The following CLYBL variants were observed in gnomAD, a reference collection of about 807,000 sequenced individuals.
CLYBL encodes the protein citramalyl-CoA lyase, mitochondrial.
In CLYBL, 31 loss-of-function variants were observed where a neutral mutation model predicts 38.9. That is an observed-to-expected ratio of 0.80 (90% CI 0.60 to 1.08). CLYBL has a LOEUF of 1.08. CLYBL is among the 50% of genes least tolerant of loss of function. CLYBL has a pLI of 0.00. For missense variants in CLYBL, 434 were observed against 411.6 expected (o/e 1.05, Z -0.47); for synonymous variants, 171 against 158.6 (o/e 1.08, Z -0.59).
intron 2 of CLYBL, among the ~76,000 whole-genome samples, chr13:99,812,865 G>C (rs1207800249): frequency 2.0e-5 from 3 of 152,174 alleles, no homozygotes; most frequent in Non-Finnish European, 4.4e-5. Flanking sequence ...GGGGGGCCCT[G>C]TCATGCCAAA....
intron 1 of CLYBL, among the ~76,000 whole-genome samples, chr13:99,703,635 T>A (rs1345170773): frequency 1.3e-5 from 2 of 152,218 alleles, no homozygotes; most frequent in African/African-American, 4.8e-5. Flanking sequence ...CCCATAGCAC[T>A]GGGATTACAC....
At chr13:99,637,682 C>T (rs543980027) in intron 1 of CLYBL, among the ~76,000 whole-genome samples, 1 of 152,260 alleles carries the variant, frequency 6.6e-6, no homozygotes, top group Middle Eastern at 3.4e-3. Flanking sequence ...TGCTTGAACC[C>T]AGGAGGTGGA....
chr13:99,828,128 T>C (rs181052971), intron 2 of CLYBL, among the ~76,000 whole-genome samples: 1 of 152,312 alleles, frequency 6.6e-6, no homozygotes, highest in Admixed American at 6.5e-5. Flanking sequence ...AATAACACCA[T>C]AGAGTTTTTG....
intron 1 of CLYBL, among the ~76,000 whole-genome samples, chr13:99,649,275 C>A (rs1382357093): frequency 6.6e-6 from 1 of 152,118 alleles, no homozygotes; most frequent in Non-Finnish European, 1.5e-5. Context: ...TTAATAGCAA[C>A]CCTTTGTTAT....
intron 4 of CLYBL, among the ~76,000 whole-genome samples, chr13:99,863,320 T>G (rs1362330897): frequency 6.6e-6 from 1 of 152,220 alleles, no homozygotes; most frequent in African/African-American, 2.4e-5. Context: ...CAGTCCAAAA[T>G]ATTTAAATGA....
intron 1 of CLYBL, among the ~76,000 whole-genome samples, chr13:99,616,329 A>T (rs979517911): frequency 1.3e-5 from 2 of 151,690 alleles, no homozygotes; most frequent in Non-Finnish European, 2.9e-5. Flanking sequence ...AGCTGATTTT[A>T]TGTTTTGTTT....
At chr13:99,809,208 CAAAT>C (rs2050291111) in intron 2 of CLYBL, among the ~76,000 whole-genome samples, 1 of 152,104 alleles carries the variant, frequency 6.6e-6, no homozygotes, top group South Asian at 2.1e-4. Context: ...TATAATTTAA[CAAAT>C]AAATTATGGG....
chr13:99,781,182 T>G (rs2049642374), intron 2 of CLYBL, among the ~76,000 whole-genome samples: 1 of 151,370 alleles, frequency 6.6e-6, no homozygotes, highest in Non-Finnish European at 1.5e-5. Context: ...ATTTATTTAT[T>G]TATTTTGAGA....
rs970657332 is a variant in CLYBL, at chr13:99,888,015, C to G, written c.928-3303C>G. On this transcript the variant is annotated intron_variant, in intron 7 of 8. Coordinates refer to ENST00000339105, the MANE Select transcript of CLYBL (RefSeq NM_206808.5). ...GGATTACAGGCACCCACGACCATGCCCAGCTAATTTTTGTATTTTTAGTAG... is the reference window on the plus strand; with the variant it reads ...GGATTACAGGCACCCACGACCATGCGCAGCTAATTTTTGTATTTTTAGTAG... 1.3e-5 allele frequency among the ~76,000 whole-genome samples: 2 copies of G among 152,048 alleles called. 1 individual carries two copies. The highest frequency in any genetic ancestry group is 4.8e-5 in the African/African-American group (2 of 41,382).
intron 2 of CLYBL, among the ~76,000 whole-genome samples, chr13:99,820,163 T>C (rs2050559619): frequency 1.3e-5 from 2 of 152,130 alleles, no homozygotes; most frequent in African/African-American, 2.4e-5. Flanking sequence ...ATGAGGGAGC[T>C]GACACTTCTG....
At chr13:99,866,489 A>C in intron 6 of CLYBL, 82 bp downstream of exon 6, 1 of 1,170,002 alleles carries the variant, frequency 8.5e-7, no homozygotes, top group Non-Finnish European at 1.2e-6. Flanking sequence ...AACACCCCTA[A>C]TCTCATCAGA....
rs772465561 is a variant in CLYBL at position 99,784,449 on chromosome 13, CTTTTT to C, written c.249+11458_249+11462del. Among the ~76,000 whole-genome samples the C allele has an allele frequency of 6.0e-3, 311 of 52,112 alleles. 2 individuals carry two copies. Among genetic ancestry groups the C allele is most frequent in the Admixed American group, 9.1e-3 (33 of 3,616 alleles). The allele number at this position is 52,112 out of a possible 152,430, so 34.2% of individuals were successfully genotyped here. On this transcript the variant is annotated intron_variant, in intron 2 of 8. Coordinates refer to ENST00000339105, the MANE Select transcript of CLYBL (RefSeq NM_206808.5). The stretch of plus-strand genomic sequence containing the variant: ...TTCCTCTGCTTCTGGAAAATTCTCT[CTTTTT>C]TTTTTTTTTTTTTTTTTTGAGATGG...
intron 2 of CLYBL, among the ~76,000 whole-genome samples, chr13:99,812,080 TA>T (rs2050353801): frequency 6.6e-6 from 1 of 152,226 alleles, no homozygotes; most frequent in Non-Finnish European, 1.5e-5. Context: ...AAGCCTGACC[TA>T]AACTGCTGTG....
At chr13:99,690,096 A>T (rs1237156748) in intron 1 of CLYBL, 1 of 152,152 alleles carries the variant, frequency 6.6e-6, no homozygotes, top group Non-Finnish European at 1.5e-5. Context: ...ATCTCTCTGG[A>T]CTGGTCCCTT....
intron 2 of CLYBL, among the ~76,000 whole-genome samples, chr13:99,786,600 C>A (rs2049801473): frequency 6.6e-6 from 1 of 152,158 alleles, no homozygotes; most frequent in Non-Finnish European, 1.5e-5. Flanking sequence ...TTAATCCAGT[C>A]TGTCATTGAT....
chr13:99,813,908 C>T (rs530676733), intron 2 of CLYBL, among the ~76,000 whole-genome samples: 44 of 152,320 alleles, frequency 2.9e-4, no homozygotes, highest in African/African-American at 1.1e-3. Context: ...TCCCCGTGGA[C>T]CAAAGTCCTG....
chr13:99,710,689 G>T (rs1160203244), intron 1 of CLYBL, among the ~76,000 whole-genome samples: 6 of 151,954 alleles, frequency 3.9e-5, no homozygotes, highest in Admixed American at 3.9e-4. Context: ...CTGTCCTCGG[G>T]GAATCTTGGT....
intron 1 of CLYBL, among the ~76,000 whole-genome samples, chr13:99,635,269 G>A (rs7330630): frequency 0.028 from 4,256 of 152,050 alleles, 202 homozygotes; most frequent in African/African-American, 0.096. Flanking sequence ...CAAATCTGCC[G>A]CCTTTCTCTG....
intron 1 of CLYBL, among the ~76,000 whole-genome samples, chr13:99,699,244 G>T (rs931621966): frequency 2.0e-5 from 3 of 152,108 alleles, no homozygotes; most frequent in Admixed American, 1.3e-4. Context: ...AATTAGCTGG[G>T]TGTGGTGGTG....
Sources: gnomAD v4.1 joint callset for allele counts (sites outside exome capture counted in the v4.1 genomes callset) on GRCh38, gnomAD v4.1.1 for gene constraint, MANE v1.5 for transcripts, NCBI Gene and HGNC (gene_info 2026-07-23, HGNC 2026-07-21) for gene names.